XKR7: variants seen among roughly 807,000 people sequenced by gnomAD.
XKR7 encodes the protein XK-related protein 7.
A neutral mutation model predicts 42.2 loss-of-function variants in XKR7; 11 were observed. The observed-to-expected ratio is 0.26, with a 90% CI of 0.16 to 0.43. The LOEUF (loss-of-function observed/expected upper bound fraction) is 0.43. Ranked by LOEUF, XKR7 falls within the 20% of genes least tolerant of loss-of-function variation. The probability of loss-of-function intolerance (pLI) is 1.00; values close to 1 mark genes in which losing one functional copy is unlikely to be tolerated. For synonymous variants in XKR7, 346 were observed against 366.4 expected, an observed-to-expected ratio of 0.94 and a Z score of 0.64; for missense variants, 710 against 802.2, an observed-to-expected ratio of 0.89 and a Z score of 1.39.
At chr20:31,970,586 A>C (rs1048664406) in intron 1 of XKR7, 1 of 152,202 alleles carries the variant, frequency 6.6e-6, no homozygotes, top group Non-Finnish European at 1.5e-5. Flanking sequence ...TCTTAGGTTG[A>C]ATGTGGCTTG....
In XKR7 at chr20:31,995,075, C is replaced by T. The variant is rs1271908468; in HGVS notation, c.592C>T (p.Arg198Cys). The change falls in exon 2 of 3, where the codon CGC (arginine) becomes TGC (cysteine). Residue 198 changes from arginine to cysteine, a missense_variant. This residue lies in a region of XKR7 where 708 missense variants were observed against 786.2 expected (regional missense o/e 0.90). Coordinates refer to ENST00000562532, the MANE Select transcript of XKR7 (RefSeq NM_001011718.2). The surrounding 1 kb of genome is among the most constrained non-coding windows in gnomAD (Gnocchi z 4.1). ...LQLGQVWRYL[R>C]ALYLGLQSRW... ...ACCGCGTCCTTCCCGCAGGTACCTG[C>T]GCGCCCTGTACCTGGGGCTGCAGAG... 4 of 1,545,550 alleles carry T rather than the reference C, an allele frequency of 2.6e-6. No homozygotes were observed. The highest frequency in any genetic ancestry group is 3.5e-6 in the Non-Finnish European group (4 of 1,146,816).
In XKR7 at chr20:31,995,403, G is replaced by A. The variant is rs1180459865; in HGVS notation, c.787+133G>A. On this transcript the variant is annotated intron_variant, in intron 2 of 2. Coordinates refer to ENST00000562532, the MANE Select transcript of XKR7 (RefSeq NM_001011718.2). The surrounding 1 kb of genome is among the most constrained non-coding windows in gnomAD (Gnocchi z 4.1). ...GCTCACTCAGTCAGGGTTTAGGGAG[G>A]CCTGCCCCTTCTACCCTCACCACCC... The A allele has an allele frequency of 7.0e-7, 1 of 1,435,642 alleles. No individual in the cohort carries two copies. Among genetic ancestry groups the A allele is most frequent in the Non-Finnish European group, 9.2e-7 (1 of 1,082,462 alleles). The allele number at this position is 1,435,642 out of a possible 1,614,324, so 88.9% of individuals were successfully genotyped here.
chr20:31,973,092 A>T (rs188023253), intron 1 of XKR7, among the ~76,000 whole-genome samples: 11 of 152,334 alleles, frequency 7.2e-5, no homozygotes, highest in African/African-American at 1.9e-4. Flanking sequence ...TTCAAGGTTT[A>T]ATGAGATAAT....
intron 1 of XKR7, among the ~76,000 whole-genome samples, chr20:31,987,470 C>T (rs551335379): frequency 1.6e-4 from 23 of 147,826 alleles, no homozygotes; most frequent in Middle Eastern, 3.8e-3. Context: ...ACCCAGTATC[C>T]AAGGCACAGA....
intron 1 of XKR7, among the ~76,000 whole-genome samples, chr20:31,986,380 T>A (rs2064540298): frequency 8.5e-6 from 1 of 118,038 alleles, no homozygotes; most frequent in African/African-American, 3.4e-5. Context: ...AGACCAAGCA[T>A]CCAAGACACA....
chr20:31,975,063 G>C (rs886529574), intron 1 of XKR7, among the ~76,000 whole-genome samples: 1 of 152,192 alleles, frequency 6.6e-6, no homozygotes, highest in East Asian at 1.9e-4. Flanking sequence ...GGAGGGCGGA[G>C]GGCTGCCAGG....
chr20:31,973,609 G>A (rs1214462987), intron 1 of XKR7, among the ~76,000 whole-genome samples: 1 of 152,114 alleles, frequency 6.6e-6, no homozygotes, highest in Non-Finnish European at 1.5e-5. Flanking sequence ...TGGGCAAAGG[G>A]CTGCACGAGG....
intron 1 of XKR7, among the ~76,000 whole-genome samples, chr20:31,982,299 T>A (rs1362988447): frequency 6.6e-6 from 1 of 152,036 alleles, no homozygotes; most frequent in Non-Finnish European, 1.5e-5. Context: ...GGTGGGTGGA[T>A]CACCTGAGGT....
intron 1 of XKR7, among the ~76,000 whole-genome samples, chr20:31,984,737 C>G (rs1472689208): frequency 2.0e-5 from 3 of 152,186 alleles, no homozygotes; most frequent in African/African-American, 7.2e-5. Context: ...GCTGGGCAGC[C>G]GTACTGCACA....
Position 31,968,406 on chromosome 20 carries a change from G to A in XKR7, c.231G>A (p.Leu77=). ...CCGACGGTGCCACGGACCTGTGGCT[G>A]GCGGCCTCCTACTACCTGCAGAATC... ...FFSDGATDLW[L]AASYYLQNQH... The change falls in exon 1 of 3, where the codon CTG becomes CTA. Residue 77 remains leucine, a synonymous_variant. Transcript: ENST00000562532. The surrounding 1 kb of genome is among the most constrained non-coding windows in gnomAD (Gnocchi z 4.5). 1.2e-6 allele frequency: 2 copies of A among 1,613,638 alleles called. No homozygotes were observed. The highest frequency in any genetic ancestry group is 2.2e-5 in the South Asian group (2 of 91,088).
intron 1 of XKR7, among the ~76,000 whole-genome samples, chr20:31,981,892 C>T (rs949872876): frequency 2.0e-5 from 3 of 152,184 alleles, no homozygotes; most frequent in African/African-American, 7.2e-5. Flanking sequence ...GCTACCTTCC[C>T]TGCCTCCTTT....
At chr20:31,973,709 A>C (rs2064473860) in intron 1 of XKR7, among the ~76,000 whole-genome samples, 1 of 152,036 alleles carries the variant, frequency 6.6e-6, no homozygotes, top group Admixed American at 6.5e-5. Context: ...GCAGAAATAG[A>C]GTGAGGGGAG....
chr20:31,983,224 C>T (rs941999315), intron 1 of XKR7, among the ~76,000 whole-genome samples: 5 of 152,188 alleles, frequency 3.3e-5, no homozygotes, highest in Admixed American at 6.5e-5. Context: ...TAGCAGAGGA[C>T]ACCATAAACA....
chr20:31,985,042 G>C (rs1396831006), intron 1 of XKR7, among the ~76,000 whole-genome samples: 2 of 152,200 alleles, frequency 1.3e-5, no homozygotes, highest in African/African-American at 4.8e-5. Context: ...TCATCCAGCT[G>C]GGACTCAGTA....
chr20:31,985,781 C>CACAGACAGACAG (rs34231055), intron 1 of XKR7, among the ~76,000 whole-genome samples: 7 of 112,724 alleles, frequency 6.2e-5, no homozygotes, highest in African/African-American at 2.0e-4. Flanking sequence ...GCATCCAAGA[C>CACAGACAGACAG]ACAGACAGAC....
At position 31,995,190 on chromosome 20, in the gene XKR7, C is replaced by A; in HGVS notation, c.707C>A (p.Thr236Asn). Residue 236 changes from threonine (T) to asparagine (N), a missense_variant, in exon 2 of 3, where the codon ACC (threonine) becomes AAC (asparagine). Around this residue, in one of 2 missense-constraint regions of XKR7, gnomAD observed 708 missense variants for 786.2 expected, o/e 0.90. Coordinates refer to ENST00000562532, the MANE Select transcript of XKR7 (RefSeq NM_001011718.2). This position sits in a 1 kb window ranked among gnomAD's most constrained non-coding sequence, Gnocchi z 4.1. ...GTGAGCATGCTGCGCTTGCTGGAGA[C>A]CTTCCTGCGCAGCGCGCCGCAGCTA... ...ADVSMLRLLE[T>N]FLRSAPQLVL... The A allele has an allele frequency of 6.5e-7, 1 of 1,548,488 alleles. No homozygotes were observed. Among genetic ancestry groups the A allele is most frequent in the South Asian group, 1.2e-5 (1 of 84,010 alleles).
chr20:31,982,072 A>G (rs1363992158), intron 1 of XKR7, among the ~76,000 whole-genome samples: 1 of 152,310 alleles, frequency 6.6e-6, no homozygotes, highest in Non-Finnish European at 1.5e-5. Context: ...TCTGGAGCCC[A>G]TGGAACATGC....
chr20:31,990,179 C>CGT (rs56235886), intron 1 of XKR7, among the ~76,000 whole-genome samples: 21,661 of 144,100 alleles, frequency 0.15, 1,597 homozygotes, highest in African/African-American at 0.19. Context: ...AAATTCATTG[C>CGT]GTGTGTGTGT....
rs1215360655 is a variant in XKR7, at chr20:32,002,615, T to A, written c.*5158T>A. ...CCCTCATTATTTTCTTCCCTGAGGATCCTGTGGTTTAGGAGATTTTTCTCC... is the reference window on the plus strand; with the variant it reads ...CCCTCATTATTTTCTTCCCTGAGGAACCTGTGGTTTAGGAGATTTTTCTCC... On this transcript the variant is annotated 3_prime_UTR_variant, in exon 3 of 3. Coordinates refer to ENST00000562532, the MANE Select transcript of XKR7 (RefSeq NM_001011718.2). The A allele has an allele frequency of 6.6e-6, 1 of 152,154 alleles. No individual in the cohort carries two copies. Among genetic ancestry groups the A allele is most frequent in the African/African-American group, 2.4e-5 (1 of 41,432 alleles). 9.4% of individuals were successfully genotyped at this position (152,154 alleles called of 1,614,324 possible).
Sources: gnomAD v4.1 joint callset for allele counts (sites outside exome capture counted in the v4.1 genomes callset) on GRCh38, gnomAD v4.1.1 for gene constraint, gnomAD v4.1.1 regional missense constraint, Gnocchi (gnomAD v3.1) non-coding constraint, MANE v1.5 for transcripts, NCBI Gene and HGNC (gene_info 2026-07-23, HGNC 2026-07-21) for gene names.